The following MAST4 variants were observed in gnomAD, a reference collection of about 807,000 sequenced individuals.
MAST4 encodes the protein microtubule-associated serine/threonine-protein kinase 4.
MAST4 carries 89 observed loss-of-function variants against 162.7 expected under a neutral mutation model. The observed-to-expected ratio is 0.55, with a 90% CI of 0.46 to 0.65. MAST4 has a LOEUF of 0.65. Among genes scored for constraint, MAST4 ranks in the 30% least tolerant of loss-of-function variants. The pLI, the probability that MAST4 is intolerant of heterozygous loss-of-function variation, is 0.00. For missense variants in MAST4, 3,153 were observed against 3,374.0 expected, an observed-to-expected ratio of 0.93 and a Z score of 1.62; for synonymous variants, 1,479 against 1,361.1, an observed-to-expected ratio of 1.09 and a Z score of -1.91.
intron 1 of MAST4, among the ~76,000 whole-genome samples, chr5:66,711,317 C>A (rs1580262558): frequency 6.6e-6 from 1 of 152,330 alleles, no homozygotes; most frequent in East Asian, 1.9e-4. Flanking sequence ...AGTCCAAAAT[C>A]AGTTTCACTG....
rs575713840 is a variant in MAST4 at position 67,115,587 on chromosome 5, T to C, written c.1591+1368T>C. Among the ~76,000 whole-genome samples the C allele has an allele frequency of 7.2e-5, 11 of 152,358 alleles. No homozygotes were observed. In the East Asian group the frequency reaches 2.1e-3, roughly 29 times the overall value. On this transcript the variant is annotated intron_variant, in intron 12 of 28. Coordinates refer to ENST00000403625, the MANE Select transcript of MAST4 (RefSeq NM_001164664.2). The stretch of plus-strand genomic sequence containing the variant: ...GTGGCTGCTTTTCTGAAAAGTTCCC[T>C]GGGGAGAGATTTTTCCCCATGGCTT...
At chr5:66,949,706 G>C (rs1744443041) in intron 4 of MAST4, among the ~76,000 whole-genome samples, 1 of 151,904 alleles carries the variant, frequency 6.6e-6, no homozygotes, top group Non-Finnish European at 1.5e-5. Context: ...TTATACTTAG[G>C]GTTCTATATT....
At position 67,078,707 on chromosome 5, in the gene MAST4, ATATT is replaced by A. The variant is rs1274161184; in HGVS notation, c.764-11447_764-11444del. Among the ~76,000 whole-genome samples, 351 of 121,270 alleles carry A rather than the reference ATATT, an allele frequency of 2.9e-3. 4 individuals carry two copies. The highest frequency in any genetic ancestry group is 0.011 in the African/African-American group (304 of 27,606). 79.6% of individuals were successfully genotyped at this position (121,270 alleles called of 152,430 possible). A position where few individuals can be genotyped will look rare whatever the true frequency, so the allele number is the denominator to read the frequency against. On this transcript the variant is annotated intron_variant, in intron 5 of 28. Coordinates refer to ENST00000403625, the MANE Select transcript of MAST4 (RefSeq NM_001164664.2). ...ATTTATATTTATATATTTATATATA[ATATT>A]TATTTATATTATATTTATATTTATC...
intron 1 of MAST4, among the ~76,000 whole-genome samples, chr5:66,758,438 A>T (rs1753675959): frequency 6.6e-6 from 1 of 151,712 alleles, no homozygotes; most frequent in Non-Finnish European, 1.5e-5. Flanking sequence ...ATTTTTTGAG[A>T]TGGGGTCTTG....
chr5:66,832,680 C>T (rs1162847621), intron 3 of MAST4, among the ~76,000 whole-genome samples: 3 of 152,168 alleles, frequency 2.0e-5, no homozygotes, highest in Admixed American at 6.5e-5. Context: ...GGTATGTTTA[C>T]ACTTTACCTG....
chr5:66,637,677 A>G (rs1330080266), intron 1 of MAST4, among the ~76,000 whole-genome samples: 1 of 152,090 alleles, frequency 6.6e-6, no homozygotes, highest in African/African-American at 2.4e-5. Context: ...CTTCTGTTAC[A>G]GATAGAAAGT....
chr5:66,794,493 T>G (rs766614180), intron 3 of MAST4, among the ~76,000 whole-genome samples: 1 of 152,194 alleles, frequency 6.6e-6, no homozygotes, highest in African/African-American at 2.4e-5. Flanking sequence ...TCTTGGAGAT[T>G]GTGAGGTAGC....
At chr5:66,670,998 G>T (rs1230231844) in intron 1 of MAST4, among the ~76,000 whole-genome samples, 4 of 151,964 alleles carry the variant, frequency 2.6e-5, no homozygotes, top group Non-Finnish European at 5.9e-5. Context: ...TTTTACACTG[G>T]TGTTGTATTT....
At chr5:67,052,642 A>G (rs1485873298) in intron 4 of MAST4, among the ~76,000 whole-genome samples, 1 of 152,078 alleles carries the variant, frequency 6.6e-6, no homozygotes, top group Non-Finnish European at 1.5e-5. Context: ...TCATTAGATT[A>G]TTTGCATTGA....
chr5:66,929,576 C>G (rs1741953929), intron 4 of MAST4, among the ~76,000 whole-genome samples: 1 of 152,156 alleles, frequency 6.6e-6, no homozygotes, highest in Non-Finnish European at 1.5e-5. Context: ...TAAAGCTCTG[C>G]TTTTTGTCAG....
At position 67,079,901 on chromosome 5, in the gene MAST4, G is replaced by A. The variant is rs1762404461; in HGVS notation, c.764-10261G>A. On this transcript the variant is annotated intron_variant, in intron 5 of 28. Coordinates refer to ENST00000403625, the MANE Select transcript of MAST4 (RefSeq NM_001164664.2). ...TTGCCTCATGGGTTAGAGGCTTGTG[G>A]TCAGGGATGGTCTGATTCAGCCTTC... Among the ~76,000 whole-genome samples, 7 of 152,294 alleles carry A rather than the reference G, an allele frequency of 4.6e-5. No individual in the cohort carries two copies. The South Asian group carries it at 1.5e-3, about 32-fold the overall frequency.
chr5:66,865,450 A>G (rs184479624), intron 3 of MAST4, among the ~76,000 whole-genome samples: 1 of 152,362 alleles, frequency 6.6e-6, no homozygotes, highest in Admixed American at 6.5e-5. Flanking sequence ...TTAAATATGT[A>G]TAAGGAAAAA....
At chr5:67,078,404 G>A (rs1227936022) in intron 5 of MAST4, among the ~76,000 whole-genome samples, 1 of 150,110 alleles carries the variant, frequency 6.7e-6, no homozygotes, top group Non-Finnish European at 1.5e-5. Context: ...ACTCTGGGTA[G>A]TTTGTACAAA....
At chr5:66,743,397 C>T (rs1206111498) in intron 1 of MAST4, among the ~76,000 whole-genome samples, 1 of 152,144 alleles carries the variant, frequency 6.6e-6, no homozygotes, top group East Asian at 1.9e-4. Context: ...CCTGGGATGG[C>T]GTGACCTGGG....
intron 3 of MAST4, among the ~76,000 whole-genome samples, chr5:66,839,920 ATG>A (rs35351114): frequency 2.0e-5 from 3 of 150,786 alleles, no homozygotes; most frequent in Non-Finnish European, 3.0e-5. Flanking sequence ...TTCTTTGTGC[ATG>A]TGTGTGTGTG....
At chr5:67,028,059 C>A (rs1754876336) in intron 4 of MAST4, among the ~76,000 whole-genome samples, 1 of 152,172 alleles carries the variant, frequency 6.6e-6, no homozygotes, top group African/African-American at 2.4e-5. Flanking sequence ...GACAGGAAAA[C>A]ACAAAGAAGT....
chr5:66,937,910 C>A (rs1363003397), intron 4 of MAST4, among the ~76,000 whole-genome samples: 1 of 151,428 alleles, frequency 6.6e-6, no homozygotes, highest in African/African-American at 2.4e-5. Flanking sequence ...ATGATTATAC[C>A]CTTTATTTTA....
At chr5:66,946,654 T>C (rs977639463) in intron 4 of MAST4, among the ~76,000 whole-genome samples, 6 of 152,166 alleles carry the variant, frequency 3.9e-5, no homozygotes, top group Admixed American at 3.9e-4. Flanking sequence ...AGCGGTAATA[T>C]ATATGGTGAA....
intron 1 of MAST4, among the ~76,000 whole-genome samples, chr5:66,721,876 C>T (rs930691707): frequency 6.6e-6 from 1 of 151,950 alleles, no homozygotes; most frequent in African/African-American, 2.4e-5. Context: ...TCATTCTTTA[C>T]TATTTATACT....
Sources: allele counts gnomAD v4.1 joint callset (sites outside exome capture counted in the v4.1 genomes callset), GRCh38; gene constraint gnomAD v4.1.1; transcripts MANE v1.5; gene names NCBI Gene and HGNC (gene_info 2026-07-23, HGNC 2026-07-21).